PPM1H: variants seen among roughly 807,000 people sequenced by gnomAD.
PPM1H encodes protein phosphatase 1H.
A neutral mutation model predicts 54.9 loss-of-function variants in PPM1H; 27 were observed. The observed-to-expected ratio is 0.49, with a 90% CI of 0.36 to 0.68. The LOEUF is 0.68. Among genes scored for constraint, PPM1H ranks in the 30% least tolerant of loss-of-function variants. The pLI is 0.00. For synonymous variants in PPM1H, 305 were observed against 270.8 expected, an observed-to-expected ratio of 1.13 and a Z score of -1.24; for missense variants, 596 against 667.8, an observed-to-expected ratio of 0.89 and a Z score of 1.19.
chr12:62,887,503 C>T (rs1189014678), intron 1 of PPM1H, among the ~76,000 whole-genome samples: 1 of 152,170 alleles, frequency 6.6e-6, no homozygotes, highest in Admixed American at 6.5e-5. Context: ...GCCTTAATTG[C>T]ATTTGTTTAT....
intron 8 of PPM1H, among the ~76,000 whole-genome samples, chr12:62,676,307 C>A (rs1406691813): frequency 6.6e-6 from 1 of 152,214 alleles, no homozygotes; most frequent in Non-Finnish European, 1.5e-5. Flanking sequence ...ATGGCAGTAG[C>A]AGCCTGTCTG....
intron 1 of PPM1H, among the ~76,000 whole-genome samples, chr12:62,855,564 T>A (rs1171674805): frequency 6.6e-6 from 1 of 152,172 alleles, no homozygotes; most frequent in East Asian, 1.9e-4. Flanking sequence ...CCAACATCAT[T>A]GGGTTAATGT....
At chr12:62,856,801 A>G (rs1869405887) in intron 1 of PPM1H, among the ~76,000 whole-genome samples, 1 of 152,174 alleles carries the variant, frequency 6.6e-6, no homozygotes, top group Admixed American at 6.5e-5. Context: ...TGAAAATTTT[A>G]CTTTAGAGAG....
chr12:62,735,912 G>A (rs1021291240), intron 5 of PPM1H, among the ~76,000 whole-genome samples: 3 of 152,252 alleles, frequency 2.0e-5, no homozygotes, highest in Non-Finnish European at 4.4e-5. Flanking sequence ...GAAATGGAAG[G>A]TAGTTCTCTG....
At position 62,666,880 on chromosome 12, in the gene PPM1H, A is replaced by G. The variant is rs192368181; in HGVS notation, c.1397+298T>C. ...AGGTGCCCACCACCATGCCCAGCTA[A>G]TTTTTGTATTTTTAGTAGAGACAGG... On this transcript the variant is annotated intron_variant, in intron 9 of 9. Coordinates refer to ENST00000228705, the MANE Select transcript of PPM1H (RefSeq NM_020700.2). 7.7e-3 allele frequency among the ~76,000 whole-genome samples: 1,166 copies of G among 152,122 alleles called. 27 individuals are homozygous for G. Among genetic ancestry groups the G allele is most frequent in the Non-Finnish European group, 7.1e-3 (481 of 67,982 alleles).
intron 1 of PPM1H, among the ~76,000 whole-genome samples, chr12:62,929,996 A>G (rs1872083277): frequency 2.6e-5 from 4 of 152,298 alleles, no homozygotes; most frequent in Admixed American, 2.6e-4. Context: ...AGGGGCAGGT[A>G]TGCCAGGAAA....
chr12:62,710,377 C>A (rs759612717), intron 6 of PPM1H, among the ~76,000 whole-genome samples: 1 of 151,646 alleles, frequency 6.6e-6, no homozygotes, highest in Non-Finnish European at 1.5e-5. Flanking sequence ...ACTAAAAATA[C>A]AAAAATTAGC....
At chr12:62,684,554 G>A (rs1471341356) in intron 8 of PPM1H, among the ~76,000 whole-genome samples, 3 of 151,952 alleles carry the variant, frequency 2.0e-5, no homozygotes, top group Non-Finnish European at 4.4e-5. Flanking sequence ...TGATGAATGG[G>A]AACAATGCTG....
intron 1 of PPM1H, among the ~76,000 whole-genome samples, chr12:62,875,777 C>A (rs1031784262): frequency 6.6e-6 from 1 of 152,178 alleles, no homozygotes; most frequent in African/African-American, 2.4e-5. Flanking sequence ...TGGTTTTATG[C>A]TTCTTTTCAA....
intron 8 of PPM1H, among the ~76,000 whole-genome samples, chr12:62,679,828 T>C (rs1195453154): frequency 2.6e-5 from 4 of 152,234 alleles, no homozygotes; most frequent in Non-Finnish European, 4.4e-5. Context: ...TCTTTGTAAA[T>C]ATGCCTTTAC....
chr12:62,665,384 A>G (rs1241064130), intron 9 of PPM1H, among the ~76,000 whole-genome samples: 1 of 152,112 alleles, frequency 6.6e-6, no homozygotes, highest in Non-Finnish European at 1.5e-5. Flanking sequence ...CTCCTTCCAG[A>G]GATTTGTCAG....
In PPM1H at chr12:62,836,057, C is replaced by T. The variant is rs1024540408; in HGVS notation, c.246-3778G>A. Reference sequence around the variant, plus strand: ...ACCACTCCATTGCTGTATGCTCCAGCGTAAAGTCAGTACCACCTTGAGGTC... The same window carrying T: ...ACCACTCCATTGCTGTATGCTCCAGTGTAAAGTCAGTACCACCTTGAGGTC... On this transcript the variant is annotated intron_variant, in intron 1 of 9. Transcript: ENST00000228705. Among the ~76,000 whole-genome samples, 12 of 152,262 alleles carry T rather than the reference C, an allele frequency of 7.9e-5. 1 individual carries two copies. The highest frequency in any genetic ancestry group is 2.2e-4 in the African/African-American group (9 of 41,548).
intron 1 of PPM1H, among the ~76,000 whole-genome samples, chr12:62,894,796 C>G (rs544671258): frequency 5.5e-4 from 84 of 152,180 alleles, no homozygotes; most frequent in African/African-American, 1.7e-3. Context: ...TGTTGGGAGG[C>G]CAAAGAGGAA....
chr12:62,679,226 C>T (rs1250365221), intron 8 of PPM1H, among the ~76,000 whole-genome samples: 3 of 151,978 alleles, frequency 2.0e-5, no homozygotes, highest in Non-Finnish European at 2.9e-5. Flanking sequence ...ACCTCGTGAT[C>T]TGCCCGCCTC....
chr12:62,907,429 G>T (rs929479083), intron 1 of PPM1H, among the ~76,000 whole-genome samples: 29 of 152,140 alleles, frequency 1.9e-4, no homozygotes, highest in African/African-American at 5.8e-4. Flanking sequence ...CTGTGTTCAG[G>T]TTTGCCACCA....
At chr12:62,855,561 C>T (rs1356384868) in intron 1 of PPM1H, among the ~76,000 whole-genome samples, 1 of 152,168 alleles carries the variant, frequency 6.6e-6, no homozygotes, top group Admixed American at 6.5e-5. Flanking sequence ...GACCCAACAT[C>T]ATTGGGTTAA....
chr12:62,825,651 T>C (rs60201508), intron 2 of PPM1H, among the ~76,000 whole-genome samples: 16,549 of 152,000 alleles, frequency 0.11, 1,729 homozygotes, highest in African/African-American at 0.28. Context: ...CCAAACATCA[T>C]ATGTTCTCAC....
chr12:62,783,165 T>C (rs1253101563), intron 4 of PPM1H, among the ~76,000 whole-genome samples: 2 of 152,214 alleles, frequency 1.3e-5, no homozygotes, highest in South Asian at 2.1e-4. Context: ...CTTAGAACTT[T>C]GGGACGCTTG....
intron 6 of PPM1H, among the ~76,000 whole-genome samples, chr12:62,706,544 A>G (rs1460075584): frequency 6.6e-6 from 1 of 152,238 alleles, no homozygotes; most frequent in Non-Finnish European, 1.5e-5. Context: ...TCCAGGCACT[A>G]AGGATTTATA....
Sources: allele counts gnomAD v4.1 joint callset (sites outside exome capture counted in the v4.1 genomes callset), GRCh38; gene constraint gnomAD v4.1.1; transcripts MANE v1.5; gene names NCBI Gene and HGNC (gene_info 2026-07-23, HGNC 2026-07-21).